THAP2: variants seen among roughly 807,000 people sequenced by gnomAD.
The protein encoded by THAP2 is THAP domain containing 2, also known as THAP domain-containing protein 2.
In THAP2, 16 loss-of-function variants were observed where a neutral mutation model predicts 18.8. That is an observed-to-expected ratio of 0.85 (90% CI 0.58 to 1.29). The LOEUF (loss-of-function observed/expected upper bound fraction) is 1.29. Among genes scored for constraint, THAP2 ranks in the 50% most tolerant of loss-of-function variants. The probability of loss-of-function intolerance (pLI) is 0.00; values close to 1 mark genes in which losing one functional copy is unlikely to be tolerated. For synonymous variants in THAP2, 80 were observed against 89.2 expected (o/e 0.90, Z 0.58); for missense variants, 251 against 265.3 (o/e 0.95, Z 0.38).
chr12:71,673,534 A>T (rs1369924075), intron 1 of THAP2, among the ~76,000 whole-genome samples: 2 of 152,206 alleles, frequency 1.3e-5, no homozygotes, highest in Non-Finnish European at 2.9e-5. Flanking sequence ...ACTTTTTAAA[A>T]GTATTTGCTG....
intron 1 of THAP2, among the ~76,000 whole-genome samples, chr12:71,667,023 C>T (rs1432778132): frequency 1.3e-5 from 2 of 152,174 alleles, no homozygotes; most frequent in Non-Finnish European, 2.9e-5. Flanking sequence ...TAAGCCACCA[C>T]GCCTGGCCAT....
intron 1 of THAP2, among the ~76,000 whole-genome samples, chr12:71,672,902 G>C (rs549034526): frequency 6.6e-6 from 1 of 152,236 alleles, no homozygotes; most frequent in African/African-American, 2.4e-5. Flanking sequence ...TTTCTGCCAT[G>C]ATACACAACT....
intron 1 of THAP2, among the ~76,000 whole-genome samples, chr12:71,666,543 AGAGAT>A (rs1412147596): frequency 2.6e-5 from 4 of 152,108 alleles, no homozygotes; most frequent in African/African-American, 7.2e-5. Flanking sequence ...ACAAAAAAAA[AGAGAT>A]GGATGGTGGT....
chr12:71,672,766 G>C (rs1186479970), intron 1 of THAP2, among the ~76,000 whole-genome samples: 1 of 151,874 alleles, frequency 6.6e-6, no homozygotes, highest in Admixed American at 6.6e-5. Context: ...GTATTGTCAT[G>C]ACTCTGCTTC....
intron 1 of THAP2, among the ~76,000 whole-genome samples, chr12:71,670,191 T>C (rs535416250): frequency 1.3e-5 from 2 of 152,282 alleles, no homozygotes; most frequent in African/African-American, 4.8e-5. Context: ...AGCTGTTACC[T>C]AATGAGGCTG....
At chr12:71,666,769 C>T (rs971974735) in intron 1 of THAP2, among the ~76,000 whole-genome samples, 1 of 152,082 alleles carries the variant, frequency 6.6e-6, no homozygotes, top group Non-Finnish European at 1.5e-5. Context: ...GAGTCTCATT[C>T]TGTCACCCAG....
chr12:71,673,664 A>T lies in THAP2; in HGVS notation c.72-539A>T, dbSNP rs1484578140. Among the ~76,000 whole-genome samples, 5 of 152,084 alleles carry T rather than the reference A, an allele frequency of 3.3e-5. No individual in the cohort carries two copies. The East Asian group carries it at 9.6e-4, about 29-fold the overall frequency. ...GATAAATACATAACAAGATATAATG[A>T]TCCCTGTCCTCAAGAAATTTATAAT... On this transcript the variant is annotated intron_variant, in intron 1 of 2. Transcript: ENST00000308086.
Position 71,676,813 on chromosome 12 carries a change from C to T in THAP2, c.392C>T (p.Pro131Leu), listed in dbSNP as rs750660673. Residue 131 changes from proline to leucine, a missense_variant, in exon 3 of 3, where the codon CCT (proline) becomes CTT (leucine). Pro to Leu is a moderately conservative substitution (Grantham distance 98). Coordinates refer to ENST00000308086, the MANE Select transcript of THAP2 (RefSeq NM_031435.4). ...GAACACAGCTATGCCTTTAGGAATC[C>T]TATGGAGGCAAAAAAGAGGATCATT... ...LLEHSYAFRN[P>L]MEAKKRIIKL... The T allele has an allele frequency of 6.2e-7, 1 of 1,613,390 alleles. No individual in the cohort carries two copies. Among genetic ancestry groups the T allele is most frequent in the South Asian group, 1.1e-5 (1 of 91,040 alleles).
intron 1 of THAP2, among the ~76,000 whole-genome samples, chr12:71,666,791 A>G (rs542476527): frequency 2.0e-5 from 3 of 152,016 alleles, no homozygotes; most frequent in Middle Eastern, 3.4e-3. Context: ...CTGGAGTGCA[A>G]TGGTGTGATC....
intron 1 of THAP2, chr12:71,667,400 C>T (rs1395870158): frequency 6.6e-6 from 1 of 152,214 alleles, no homozygotes; most frequent in African/African-American, 2.4e-5. Context: ...TATCTCCAGT[C>T]CATCTCTGTC....
chr12:71,680,376 T>TA lies in THAP2; in HGVS notation c.*3271dup, dbSNP rs1401092039. The TA allele has an allele frequency of 6.6e-6, 1 of 152,646 alleles. No homozygotes were observed. Among genetic ancestry groups the TA allele is most frequent in the Non-Finnish European group, 1.5e-5 (1 of 68,022 alleles). 9.5% of individuals were successfully genotyped at this position (152,646 alleles called of 1,614,324 possible). On this transcript the variant is annotated 3_prime_UTR_variant, in exon 3 of 3. Transcript: ENST00000308086. The stretch of plus-strand genomic sequence containing the variant: ...CATGTGTCTTAAAATATGAAAATAG[T>TA]AAAGTCTTTGAGGTCACTTGATCTT...
chr12:71,664,532 C>T lies in THAP2; in HGVS notation c.23C>T (p.Ala8Val), dbSNP rs1881291835. Residue 8 changes from alanine to valine, a missense_variant, in exon 1 of 3, where the codon GCG becomes GTG. Transcript: ENST00000308086. Reference sequence around the variant, plus strand: ...GAAATGCCGACCAATTGCGCTGCGGCGGGCTGTGCCACTACCTACAACAAG... The same window carrying T: ...GAAATGCCGACCAATTGCGCTGCGGTGGGCTGTGCCACTACCTACAACAAG... Reference protein sequence around the residue: MPTNCAAAGCATTYNKHI... With the variant: MPTNCAAVGCATTYNKHI... 2 of 1,614,036 alleles carry T rather than the reference C, an allele frequency of 1.2e-6. No homozygotes were observed. Among genetic ancestry groups the T allele is most frequent in the Non-Finnish European group, 1.7e-6 (2 of 1,180,034 alleles).
intron 2 of THAP2, among the ~76,000 whole-genome samples, chr12:71,675,337 T>C (rs575994461): frequency 2.9e-4 from 44 of 152,260 alleles, no homozygotes; most frequent in African/African-American, 3.6e-4. Context: ...TTAGTCTTTT[T>C]CACACGTGAA....
rs752347659 is a variant in THAP2 at position 71,664,472 on chromosome 12, G to A, written c.-38G>A. 30 of 1,613,534 alleles carry A rather than the reference G, an allele frequency of 1.9e-5. No homozygotes were observed. Among genetic ancestry groups the A allele is most frequent in the Non-Finnish European group, 2.3e-5 (27 of 1,179,596 alleles). On this transcript the variant is annotated 5_prime_UTR_variant, in exon 1 of 3. Transcript: ENST00000308086. ...AGAAAGCTTAGCAGCCAGCGCCTCA[G>A]TAGAGACCTAAGGGCGCTGAATGAG...
In THAP2 at chr12:71,677,511, C is replaced by A. The variant is rs938186984; in HGVS notation, c.*403C>A. ...AGAGTTAACCAACATTCAACATGAC[C>A]TTAAAACTGCTGGGTTTTGTATTAA... On this transcript the variant is annotated 3_prime_UTR_variant, in exon 3 of 3. Coordinates refer to ENST00000308086, the MANE Select transcript of THAP2 (RefSeq NM_031435.4). 6.6e-6 allele frequency: 1 copy of A among 152,458 alleles called. No individual in the cohort carries two copies. Among genetic ancestry groups the A allele is most frequent in the Non-Finnish European group, 1.5e-5 (1 of 68,318 alleles). 9.4% of individuals were successfully genotyped at this position (152,458 alleles called of 1,614,324 possible). A position where few individuals can be genotyped will look rare whatever the true frequency, so the allele number is the denominator to read the frequency against.
chr12:71,674,290 T>C lies in THAP2; in HGVS notation c.159T>C (p.Cys53=), dbSNP rs1196259548. Residue 53 remains cysteine, a synonymous_variant, in exon 2 of 3, where the codon TGT becomes TGC. Transcript: ENST00000308086. ...TGCCAGGAAAACACACTTTTCTTTG[T>C]TCAAAGCACTTTGAAGCCTCCTGTT... The part of the protein sequence containing the change: ...NFVPGKHTFL[C]SKHFEASCFD... 6.8e-6 allele frequency: 11 copies of C among 1,613,396 alleles called. No homozygotes were observed. Among genetic ancestry groups the C allele is most frequent in the Non-Finnish European group, 9.3e-6 (11 of 1,179,610 alleles).
In THAP2 at chr12:71,664,570, A is replaced by G. The variant is rs1881294068; in HGVS notation, c.61A>G (p.Ser21Gly). 1.2e-6 allele frequency: 2 copies of G among 1,614,190 alleles called. No homozygotes were observed. The highest frequency in any genetic ancestry group is 2.2e-5 in the East Asian group (1 of 44,876). ...ATTYNKHINI[S>G]FHRFPLDPKR... The stretch of plus-strand genomic sequence containing the variant: ...TACCTACAACAAGCACATTAACATC[A>G]GCTTCCACAGGTAACCTGGGCAGGG... The change falls in exon 1 of 3, where the codon AGC becomes GGC. Residue 21 changes from serine to glycine, a missense_variant. Transcript: ENST00000308086.
chr12:71,665,791 A>G (rs964338607), intron 1 of THAP2: 2 of 152,254 alleles, frequency 1.3e-5, no homozygotes, highest in African/African-American at 4.8e-5. Context: ...TTAAAAAAGA[A>G]TGGCACGATT....
Position 71,664,360 on chromosome 12 carries a change from A to G in THAP2, c.-150A>G, listed in dbSNP as rs998945624. ...GACCGTCCTTCGCCTCCGCCCCCAC[A>G]TACACACCCCTTCTTCCCACTCCGC... On this transcript the variant is annotated 5_prime_UTR_variant, in exon 1 of 3. Coordinates refer to ENST00000308086, the MANE Select transcript of THAP2 (RefSeq NM_031435.4). 22 of 873,632 alleles carry G rather than the reference A, an allele frequency of 2.5e-5. No homozygotes were observed. The highest frequency in any genetic ancestry group is 3.4e-4 in the Middle Eastern group (1 of 2,934). 54.1% of individuals were successfully genotyped at this position (873,632 alleles called of 1,614,324 possible).
Sources: gnomAD v4.1 joint callset for allele counts (sites outside exome capture counted in the v4.1 genomes callset) on GRCh38, gnomAD v4.1.1 for gene constraint, MANE v1.5 for transcripts, NCBI Gene and HGNC (gene_info 2026-07-23, HGNC 2026-07-21) for gene names.